The following SERPINB9 variants were observed in gnomAD, a reference collection of about 807,000 sequenced individuals.
SERPINB9 encodes the protein serpin family B member 9.
In SERPINB9, 20 loss-of-function variants were observed where a neutral mutation model predicts 27.2. That is an observed-to-expected ratio of 0.74 (90% CI 0.52 to 1.07). The LOEUF is 1.07. SERPINB9 is among the 50% of genes least tolerant of loss of function. The pLI is 0.00. For synonymous variants in SERPINB9, 189 were observed against 180.0 expected (o/e 1.05, Z -0.40); for missense variants, 476 against 460.1 (o/e 1.03, Z -0.32).
rs1475178105 is a variant in SERPINB9, at chr6:2,887,884, G to C, written c.*2279C>G. On this transcript the variant is annotated 3_prime_UTR_variant, in exon 7 of 7. Coordinates refer to ENST00000380698, the MANE Select transcript of SERPINB9 (RefSeq NM_004155.6). ...AAAAAAAAAAAAGATACTGAACTAG[G>C]CACTTGACATCCAAGATGTCCACTT... is the stretch of plus-strand genomic sequence containing the variant. 2 of 150,340 alleles carry C rather than the reference G, an allele frequency of 1.3e-5. No individual in the cohort carries two copies. Among genetic ancestry groups the C allele is most frequent in the East Asian group, 3.9e-4 (2 of 5,162 alleles). The allele number at this position is 150,340 out of a possible 1,614,324, so 9.3% of individuals were successfully genotyped here.
At position 2,894,602 on chromosome 6, in the gene SERPINB9, C is replaced by T. The variant is rs553431989; in HGVS notation, c.424+789G>A. ...AGGTCCCCCAGAACCTAGGAAGAGG[C>T]AGCCCAAGTGTATACCTCAGGCAAG... On this transcript the variant is annotated intron_variant, in intron 4 of 6. Transcript: ENST00000380698. This position sits in a 1 kb window ranked among gnomAD's most constrained non-coding sequence, Gnocchi z 4.7. Among the ~76,000 whole-genome samples the T allele has an allele frequency of 6.6e-6, 1 of 152,196 alleles. No individual in the cohort carries two copies. Among genetic ancestry groups the T allele is most frequent in the Non-Finnish European group, 1.5e-5 (1 of 68,036 alleles).
At chr6:2,895,998 CTATA>C in intron 3 of SERPINB9, 51 bp downstream of exon 3, 1 of 1,544,130 alleles carries the variant, frequency 6.5e-7, no homozygotes, top group Non-Finnish European at 8.8e-7. Context: ...CTCCCAGACT[CTATA>C]TCACCAGGTA....
In SERPINB9 at chr6:2,895,430, T is replaced by C. The variant is rs1332953461; in HGVS notation, c.385A>G (p.Arg129Gly). Residue 129 changes from arginine to glycine, a missense_variant, in exon 4 of 7, where the codon AGG (arginine) becomes GGG (glycine). By Grantham distance (125) the Arg-to-Gly change is moderately radical (BLOSUM62 -2). Coordinates refer to ENST00000380698, the MANE Select transcript of SERPINB9 (RefSeq NM_004155.6). ...LSFIRAAEES[R>G]KHINTWVSKK... ...GAGACCCAGGTGTTGATGTGTTTCC[T>C]GGACTCTTCTGCAGCTCTGATAAAG... 2 of 1,613,574 alleles carry C rather than the reference T, an allele frequency of 1.2e-6. No individual in the cohort carries two copies. Among genetic ancestry groups the C allele is most frequent in the Non-Finnish European group, 1.7e-6 (2 of 1,179,902 alleles).
rs1157022132 is a variant in SERPINB9 at position 2,892,136 on chromosome 6, A to AAG, written c.568-149_568-148insCT. ...AAAAAAAAAAAAAAAAAAAAAAAAA[A>AAG]GTCAACCAGTTCCTTCCTATCTTCA... On this transcript the variant is annotated intron_variant, in intron 5 of 6. Transcript: ENST00000380698. The AAG allele has an allele frequency of 3.9e-5, 28 of 718,870 alleles. No individual in the cohort carries two copies. The African/African-American group carries it at 5.5e-4, about 14-fold the overall frequency. The allele number at this position is 718,870 out of a possible 1,614,324, so 44.5% of individuals were successfully genotyped here.
rs1054904283 is a variant in SERPINB9, at chr6:2,903,245, G to A, written c.-55C>T. The A allele has an allele frequency of 9.2e-5, 14 of 152,198 alleles. No homozygotes were observed. The highest frequency in any genetic ancestry group is 1.8e-4 in the Non-Finnish European group (12 of 68,118). 9.4% of individuals were successfully genotyped at this position (152,198 alleles called of 1,614,324 possible). ...TGCCGCCGTCTCCGTGCCGCGCTCC[G>A]AGCCTGGACGCCGACCCCCGAGGCG... On this transcript the variant is annotated 5_prime_UTR_variant, in exon 1 of 7. Transcript: ENST00000380698. This position sits in a 1 kb window ranked among gnomAD's most constrained non-coding sequence, Gnocchi z 5.2.
chr6:2,897,854 C>T (rs1014037414), intron 2 of SERPINB9, among the ~76,000 whole-genome samples: 4 of 152,120 alleles, frequency 2.6e-5, no homozygotes, highest in African/African-American at 9.7e-5. Flanking sequence ...AAAACAAAAA[C>T]TCTATATAAT....
Position 2,889,026 on chromosome 6 carries a change from A to G in SERPINB9, c.*1137T>C, listed in dbSNP as rs1017049468. 1 of 152,236 alleles carries G rather than the reference A, an allele frequency of 6.6e-6. No homozygotes were observed. The highest frequency in any genetic ancestry group is 1.5e-5 in the Non-Finnish European group (1 of 68,050). The allele number at this position is 152,236 out of a possible 1,614,324, so 9.4% of individuals were successfully genotyped here. ...TATCTAAGGATACAGAGATTAATAA[A>G]AATAAAAGAACTACCACGAAAGAAG... On this transcript the variant is annotated 3_prime_UTR_variant, in exon 7 of 7. Transcript: ENST00000380698.
intron 1 of SERPINB9, among the ~76,000 whole-genome samples, chr6:2,900,885 TCACA>T (rs5742054): frequency 2.1e-5 from 3 of 141,480 alleles, no homozygotes; most frequent in African/African-American, 5.6e-5. Flanking sequence ...GCTCGCTCTC[TCACA>T]CACACACACA....
At chr6:2,898,193 T>C (rs540999529) in intron 2 of SERPINB9, among the ~76,000 whole-genome samples, 5 of 152,124 alleles carry the variant, frequency 3.3e-5, no homozygotes, top group African/African-American at 1.2e-4. Flanking sequence ...GCTTAGATGA[T>C]CTTTTGAGGG....
intron 2 of SERPINB9, among the ~76,000 whole-genome samples, chr6:2,899,278 A>G (rs1487676491): frequency 1.3e-5 from 2 of 152,216 alleles, no homozygotes; most frequent in Non-Finnish European, 2.9e-5. Context: ...ACCTTTGACA[A>G]ACAGACAGGG....
At position 2,893,521 on chromosome 6, in the gene SERPINB9, T is replaced by C. The variant is rs1767897510; in HGVS notation, c.457A>G (p.Ile153Val). The change falls in exon 5 of 7, where the codon ATT (isoleucine) becomes GTT (valine). Residue 153 changes from isoleucine (I) to valine (V), a missense_variant. By Grantham distance (29) the Ile-to-Val change is conservative (BLOSUM62 3). Coordinates refer to ENST00000380698, the MANE Select transcript of SERPINB9 (RefSeq NM_004155.6). Reference protein sequence around the residue: ...KIEELLPGSSIDAETRLVLVN... With the variant: ...KIEELLPGSSVDAETRLVLVN... ...AGAACCAGCCTGGTTTCTGCATCAA[T>C]TGAGCTACCCGGCAACAACTCTTCA... is the stretch of plus-strand genomic sequence containing the variant. 1.9e-6 allele frequency: 3 copies of C among 1,612,660 alleles called. No individual in the cohort carries two copies. The highest frequency in any genetic ancestry group is 2.7e-5 in the African/African-American group (2 of 74,878).
Position 2,890,295 on chromosome 6 carries a change from C to T in SERPINB9, c.999G>A (p.Ser333=), listed in dbSNP as rs1767747882. 1.2e-6 allele frequency: 2 copies of T among 1,614,198 alleles called. No homozygotes were observed. Among genetic ancestry groups the T allele is most frequent in the African/African-American group, 2.7e-5 (2 of 75,038 alleles). ...AGCACTCTGCAACTACAAAGCAGCT[C>T]GACGCTGCCGCTGCCTCGGTGCCTT... ...NEEGTEAAAA[S]SCFVVAECCM... is the part of the protein sequence containing the mutation. Residue 333 remains serine, a synonymous_variant, in exon 7 of 7, where the codon TCG becomes TCA. Transcript: ENST00000380698. This position sits in a 1 kb window ranked among gnomAD's most constrained non-coding sequence, Gnocchi z 6.2.
chr6:2,900,011 G>A (rs1191299600), intron 2 of SERPINB9: 2 of 447,774 alleles, frequency 4.5e-6, no homozygotes, highest in Non-Finnish European at 8.9e-6. Flanking sequence ...GCAAATTTCT[G>A]TTGATGCCCT....
In SERPINB9 at chr6:2,891,482, A is replaced by G. The variant is rs1045421868; in HGVS notation, c.723+351T>C. Reference sequence around the variant, plus strand: ...ATCCTCATCATAACTCTAGGAGGCAATAACCCCGAGCAGTCATTTATGCTT... The same window carrying G: ...ATCCTCATCATAACTCTAGGAGGCAGTAACCCCGAGCAGTCATTTATGCTT... On this transcript the variant is annotated intron_variant, in intron 6 of 6. Transcript: ENST00000380698. This position sits in a 1 kb window ranked among gnomAD's most constrained non-coding sequence, Gnocchi z 4.0. 3.9e-5 allele frequency among the ~76,000 whole-genome samples: 6 copies of G among 152,184 alleles called. No individual in the cohort carries two copies. Among genetic ancestry groups the G allele is most frequent in the African/African-American group, 1.4e-4 (6 of 41,428 alleles).
chr6:2,902,709 G>C (rs1768245485), intron 1 of SERPINB9, among the ~76,000 whole-genome samples: 1 of 151,956 alleles, frequency 6.6e-6, no homozygotes, highest in Admixed American at 6.6e-5. Flanking sequence ...GTAGAGACCG[G>C]TTTTCACCAC....
intron 1 of SERPINB9, among the ~76,000 whole-genome samples, chr6:2,902,918 G>A (rs1768250378): frequency 6.6e-6 from 1 of 152,224 alleles, no homozygotes; most frequent in South Asian, 2.1e-4. Context: ...CGGCAGGTGG[G>A]GAGGAGGCTG....
chr6:2,901,987 T>C (rs1419845798), intron 1 of SERPINB9, among the ~76,000 whole-genome samples: 3 of 152,044 alleles, frequency 2.0e-5, no homozygotes, highest in Non-Finnish European at 4.4e-5. Flanking sequence ...CTTAATCCTC[T>C]TGTCCTTCCT....
rs111646976 is a variant in SERPINB9, at chr6:2,890,590, C to A, written c.724-20G>T. ...TTCCACCTGAAAGACCAGAATTAGA[C>A]TTTAAGATTCCGACTTCAGTGCACA... On this transcript the variant is annotated intron_variant, in intron 6 of 6. Coordinates refer to ENST00000380698, the MANE Select transcript of SERPINB9 (RefSeq NM_004155.6). The surrounding 1 kb of genome is among the most constrained non-coding windows in gnomAD (Gnocchi z 6.2). The A allele has an allele frequency of 1.9e-6, 3 of 1,593,340 alleles. No homozygotes were observed. The highest frequency in any genetic ancestry group is 2.6e-6 in the Non-Finnish European group (3 of 1,167,122).
rs1293752177 is a variant in SERPINB9 at position 2,890,584 on chromosome 6, A to G, written c.724-14T>C. 1.3e-6 allele frequency: 2 copies of G among 1,598,392 alleles called. No homozygotes were observed. Among genetic ancestry groups the G allele is most frequent in the Non-Finnish European group, 1.7e-6 (2 of 1,169,636 alleles). Reference sequence around the variant, plus strand: ...ACTTTTTTCCACCTGAAAGACCAGAATTAGACTTTAAGATTCCGACTTCAG... The same window carrying G: ...ACTTTTTTCCACCTGAAAGACCAGAGTTAGACTTTAAGATTCCGACTTCAG... On this transcript the variant is annotated splice_polypyrimidine_tract_variant and intron_variant, in intron 6 of 6. Transcript: ENST00000380698. This position sits in a 1 kb window ranked among gnomAD's most constrained non-coding sequence, Gnocchi z 6.2.
Sources: allele counts gnomAD v4.1 joint callset (sites outside exome capture counted in the v4.1 genomes callset), GRCh38; gene constraint gnomAD v4.1.1; non-coding constraint Gnocchi (gnomAD v3.1); transcripts MANE v1.5; gene names NCBI Gene and HGNC (gene_info 2026-07-23, HGNC 2026-07-21).